The following AMPH variants were observed in gnomAD, a reference collection of about 807,000 sequenced individuals.
AMPH encodes amphiphysin.
Under a neutral mutation model 99.1 loss-of-function variants are expected in AMPH, and 49 were observed. The observed-to-expected ratio is 0.49, with a 90% CI of 0.39 to 0.63. The LOEUF (loss-of-function observed/expected upper bound fraction) is 0.63. Among genes scored for constraint, AMPH ranks in the 20% least tolerant of loss-of-function variants. The pLI is 0.00. For missense variants in AMPH, 759 were observed against 863.4 expected (o/e 0.88, Z 1.52); for synonymous variants, 314 against 317.3 (o/e 0.99, Z 0.11).
Position 38,475,369 on chromosome 7 carries a change from G to A in AMPH, c.552C>T (p.Asn184=), listed in dbSNP as rs145932389. 743 of 1,613,174 alleles carry A rather than the reference G, an allele frequency of 4.6e-4. 5 individuals are homozygous for A. In the East Asian group the frequency reaches 0.013, roughly 28 times the overall value. The part of the protein sequence containing the change: ...QKAQKVFEEF[N]VDLQEELPSL... ...ATGGTAACTCTTCTTGTAAGTCAAC[G>A]TTAAACTCTTCAAACACTTTCTGTG... Residue 184 remains asparagine, a synonymous_variant, in exon 7 of 21, where the codon AAC becomes AAT. Coordinates refer to ENST00000356264, the MANE Select transcript of AMPH (RefSeq NM_001635.4).
At chr7:38,399,226 G>A (rs550567838) in intron 17 of AMPH, among the ~76,000 whole-genome samples, 5 of 152,306 alleles carry the variant, frequency 3.3e-5, no homozygotes, top group African/African-American at 1.2e-4. Context: ...TCCAGCTGCT[G>A]TTTACTTACC....
At chr7:38,449,037 G>A (rs1786903454) in intron 11 of AMPH, among the ~76,000 whole-genome samples, 1 of 152,100 alleles carries the variant, frequency 6.6e-6, no homozygotes, top group Non-Finnish European at 1.5e-5. Context: ...GAGGGATAGG[G>A]CCTATGCTTA....
At chr7:38,628,387 GTCT>G (rs1296865260) in intron 1 of AMPH, among the ~76,000 whole-genome samples, 2 of 152,174 alleles carry the variant, frequency 1.3e-5, no homozygotes, top group Admixed American at 6.5e-5. Context: ...GATGCAATAA[GTCT>G]TCTTCTAGGA....
At chr7:38,405,546 C>T (rs1784960051) in intron 17 of AMPH, among the ~76,000 whole-genome samples, 1 of 152,078 alleles carries the variant, frequency 6.6e-6, no homozygotes, top group Non-Finnish European at 1.5e-5. Flanking sequence ...GCAGGAGTTG[C>T]TATCCTTATG....
chr7:38,589,780 A>G (rs1422857055), intron 1 of AMPH, among the ~76,000 whole-genome samples: 1 of 152,214 alleles, frequency 6.6e-6, no homozygotes, highest in Non-Finnish European at 1.5e-5. Flanking sequence ...CCAACCTGAT[A>G]CATCCTTAAT....
Position 38,449,422 on chromosome 7 carries a change from A to G in AMPH, c.1017+11861T>C, listed in dbSNP as rs546053156. Among the ~76,000 whole-genome samples, 3 of 152,342 alleles carry G rather than the reference A, an allele frequency of 2.0e-5. No homozygotes were observed. In the East Asian group the frequency reaches 5.8e-4, roughly 29 times the overall value. On this transcript the variant is annotated intron_variant, in intron 11 of 20. Transcript: ENST00000356264. Reference sequence around the variant, plus strand: ...TAATGACATGTAAATCACAGGATTGATGTCAAGGTTAAACTGAATGAGACC... The same window carrying G: ...TAATGACATGTAAATCACAGGATTGGTGTCAAGGTTAAACTGAATGAGACC...
intron 1 of AMPH, among the ~76,000 whole-genome samples, chr7:38,604,442 G>A (rs1370678033): frequency 3.3e-5 from 5 of 152,186 alleles, no homozygotes; most frequent in Non-Finnish European, 5.9e-5. Flanking sequence ...GTGCTGATGT[G>A]GGGTAGAGAA....
intron 11 of AMPH, among the ~76,000 whole-genome samples, chr7:38,455,074 T>C (rs1787177380): frequency 6.6e-6 from 1 of 150,666 alleles, no homozygotes; most frequent in Non-Finnish European, 1.5e-5. Context: ...AAGTGATTAT[T>C]AAAATTCTTT....
At position 38,620,538 on chromosome 7, in the gene AMPH, TATAC is replaced by T. The variant is rs201594738; in HGVS notation, c.69+10741_69+10744del. 1.0e-2 allele frequency among the ~76,000 whole-genome samples: 1,244 copies of T among 124,612 alleles called. 15 individuals are homozygous for T. The highest frequency in any genetic ancestry group is 0.025 in the African/African-American group (705 of 28,542). 81.8% of individuals were successfully genotyped at this position (124,612 alleles called of 152,430 possible). On this transcript the variant is annotated intron_variant, in intron 1 of 20. Transcript: ENST00000356264. ...ACCATCTATGCATCTATGCTATATA[TATAC>T]ATACATACACACACACACACACACA...
chr7:38,623,995 A>C (rs1241999192), intron 1 of AMPH, among the ~76,000 whole-genome samples: 2 of 152,236 alleles, frequency 1.3e-5, no homozygotes, highest in Non-Finnish European at 2.9e-5. Context: ...CATGTATAGA[A>C]TCCATAAGGG....
chr7:38,468,504 G>A (rs867839767), intron 7 of AMPH, among the ~76,000 whole-genome samples: 9 of 152,226 alleles, frequency 5.9e-5, no homozygotes, highest in African/African-American at 2.2e-4. Context: ...TGAGAAAATG[G>A]TATAGTATCA....
At chr7:38,537,709 G>A (rs1790666555) in intron 1 of AMPH, among the ~76,000 whole-genome samples, 3 of 152,216 alleles carry the variant, frequency 2.0e-5, no homozygotes, top group Admixed American at 2.0e-4. Flanking sequence ...AAGTGATGTT[G>A]CTGCCAAAGC....
intron 1 of AMPH, among the ~76,000 whole-genome samples, chr7:38,558,285 G>A (rs1422625162): frequency 6.6e-6 from 1 of 152,166 alleles, no homozygotes; most frequent in African/African-American, 2.4e-5. Context: ...ATGCACTGAT[G>A]GTTTGGGGCT....
chr7:38,406,500 T>C (rs1298183436), intron 17 of AMPH, among the ~76,000 whole-genome samples: 1 of 152,172 alleles, frequency 6.6e-6, no homozygotes, highest in Non-Finnish European at 1.5e-5. Flanking sequence ...TCAACTTGAC[T>C]GGATTGAGGG....
intron 1 of AMPH, among the ~76,000 whole-genome samples, chr7:38,618,642 T>G (rs1793955379): frequency 6.6e-6 from 1 of 152,042 alleles, no homozygotes; most frequent in East Asian, 1.9e-4. Context: ...GAGAAAAATG[T>G]TATATACTAT....
chr7:38,453,086 T>C (rs1466555690), intron 11 of AMPH, among the ~76,000 whole-genome samples: 2 of 152,242 alleles, frequency 1.3e-5, no homozygotes, highest in African/African-American at 2.4e-5. Flanking sequence ...AGTCATACTC[T>C]GTGGTCCAGC....
chr7:38,568,913 A>G (rs1338077762), intron 1 of AMPH, among the ~76,000 whole-genome samples: 2 of 152,202 alleles, frequency 1.3e-5, no homozygotes, highest in Admixed American at 1.3e-4. Flanking sequence ...TGATTTTGTA[A>G]CAGCTCTACA....
intron 17 of AMPH, among the ~76,000 whole-genome samples, chr7:38,396,412 T>C (rs972799398): frequency 3.3e-5 from 5 of 152,240 alleles, no homozygotes; most frequent in Admixed American, 1.3e-4. Context: ...CCATCATGAT[T>C]GTGAGGCCTC....
intron 7 of AMPH, among the ~76,000 whole-genome samples, chr7:38,469,539 A>G (rs1787801699): frequency 6.6e-6 from 1 of 152,160 alleles, no homozygotes; most frequent in Non-Finnish European, 1.5e-5. Flanking sequence ...TCCTTCACTT[A>G]CTATGGAGAT....
Sources: allele counts gnomAD v4.1 joint callset (sites outside exome capture counted in the v4.1 genomes callset), GRCh38; gene constraint gnomAD v4.1.1; transcripts MANE v1.5; gene names NCBI Gene and HGNC (gene_info 2026-07-23, HGNC 2026-07-21).